OXNAD1: variants seen among roughly 807,000 people sequenced by gnomAD.
OXNAD1 encodes the protein oxidoreductase NAD binding domain containing 1, also known as oxidoreductase NAD-binding domain-containing protein 1.
A neutral mutation model predicts 32.9 loss-of-function variants in OXNAD1; 34 were observed. The observed-to-expected ratio is 1.03, with a 90% CI of 0.79 to 1.38. The LOEUF (loss-of-function observed/expected upper bound fraction) is 1.38, where lower values mean the gene tolerates loss of function less well. Among genes scored for constraint, OXNAD1 ranks in the 40% most tolerant of loss-of-function variants. The pLI is 0.00. For synonymous variants in OXNAD1, 134 were observed against 135.2 expected, an observed-to-expected ratio of 0.99 and a Z score of 0.06; for missense variants, 407 against 379.4, an observed-to-expected ratio of 1.07 and a Z score of -0.60.
chr3:16,311,449 T>G (rs1475734859), intron 9 of OXNAD1, among the ~76,000 whole-genome samples: 2 of 152,184 alleles, frequency 1.3e-5, no homozygotes, highest in Non-Finnish European at 2.9e-5. Flanking sequence ...TTAAGAAAGG[T>G]ATAAAGACTT....
At chr3:16,308,842 C>CTATT (rs1303302804), downstream of OXNAD1, among the ~76,000 whole-genome samples, 5 of 152,146 alleles carry the variant, frequency 3.3e-5, no homozygotes, top group East Asian at 7.7e-4. This position sits in a 1 kb window ranked among gnomAD's most constrained non-coding sequence, Gnocchi z 4.4. Flanking sequence ...TCCCCATGTC[C>CTATT]TATTTTGCTA....
At chr3:16,325,547 G>A (rs1388485444) in intron 9 of OXNAD1, among the ~76,000 whole-genome samples, 3 of 152,216 alleles carry the variant, frequency 2.0e-5, no homozygotes, top group Admixed American at 6.5e-5. Flanking sequence ...ACATGACACA[G>A]TGGGTAAGTG....
rs147412997 is a variant in OXNAD1 at position 16,320,671 on chromosome 3, G to A, written c.*31-16441G>A. On this transcript the variant is annotated intron_variant, in intron 9 of 9. Transcript: ENST00000435829. The surrounding 1 kb of genome is among the most constrained non-coding windows in gnomAD (Gnocchi z 4.5). The stretch of plus-strand genomic sequence containing the variant: ...GTATAAAAGGAGACAGCACTGTTCT[G>A]AGAAAAGGATGCTCGAGTAGAGCTA... 6.2e-4 allele frequency among the ~76,000 whole-genome samples: 95 copies of A among 152,350 alleles called. 1 individual carries two copies. The highest frequency in any genetic ancestry group is 2.3e-3 in the African/African-American group (94 of 41,590).
chr3:16,340,456 G>C (rs564555186), downstream of OXNAD1, among the ~76,000 whole-genome samples: 1 of 152,222 alleles, frequency 6.6e-6, no homozygotes, highest in Non-Finnish European at 1.5e-5. Flanking sequence ...ACATATGAGA[G>C]AGCCCAGCAG....
intron 4 of OXNAD1, among the ~76,000 whole-genome samples, chr3:16,279,555 G>T (rs1293612621): frequency 1.3e-5 from 2 of 151,902 alleles, no homozygotes; most frequent in Non-Finnish European, 2.9e-5. Flanking sequence ...TAAGGGAAGA[G>T]GACTCAGGAC....
At position 16,288,234 on chromosome 3, in the gene OXNAD1, C is replaced by A. The variant is rs1318739453; in HGVS notation, c.290+1786C>A. On this transcript the variant is annotated intron_variant, in intron 5 of 8. Transcript: ENST00000285083. This position sits in a 1 kb window ranked among gnomAD's most constrained non-coding sequence, Gnocchi z 5.1. ...GCTTGGTAGTAACAGCCATGTGGTACTTTGGAGAAGAGGGCAAGGATTAGG... is the reference window on the plus strand; with the variant it reads ...GCTTGGTAGTAACAGCCATGTGGTAATTTGGAGAAGAGGGCAAGGATTAGG... Among the ~76,000 whole-genome samples, 2 of 152,120 alleles carry A rather than the reference C, an allele frequency of 1.3e-5. No individual in the cohort carries two copies. Among genetic ancestry groups the A allele is most frequent in the African/African-American group, 4.8e-5 (2 of 41,414 alleles).
chr3:16,324,585 C>T (rs1359664517), intron 9 of OXNAD1, among the ~76,000 whole-genome samples: 1 of 144,060 alleles, frequency 6.9e-6, no homozygotes, highest in Non-Finnish European at 1.5e-5. Context: ...CCAGGCTCAT[C>T]CTTGTAATAA....
intron 9 of OXNAD1, among the ~76,000 whole-genome samples, chr3:16,311,854 T>C (rs1189537461): frequency 1.3e-5 from 2 of 152,186 alleles, no homozygotes; most frequent in Non-Finnish European, 2.9e-5. Context: ...AGGACCAGAA[T>C]CCTTACCATG....
Position 16,286,367 on chromosome 3 carries a change from G to A in OXNAD1, c.209G>A (p.Gly70Glu). The change falls in exon 5 of 9, where the codon GGA (glycine) becomes GAA (glutamate). Residue 70 changes from glycine (G) to glutamate (E), a missense_variant. Transcript: ENST00000285083. ...REIVSAAKVC[G>E]AASESPSVKS... ...ATTGTGTCAGCAGCTAAGGTGTGTGGAGCTGCCAGTGAGTCACCGTCAGTG... is the reference window on the plus strand; with the variant it reads ...ATTGTGTCAGCAGCTAAGGTGTGTGAAGCTGCCAGTGAGTCACCGTCAGTG... 1 of 1,613,788 alleles carries A rather than the reference G, an allele frequency of 6.2e-7. No individual in the cohort carries two copies. Among genetic ancestry groups the A allele is most frequent in the Non-Finnish European group, 8.5e-7 (1 of 1,179,722 alleles).
intron 4 of OXNAD1, among the ~76,000 whole-genome samples, chr3:16,279,478 C>A (rs2065595164): frequency 6.6e-6 from 1 of 151,950 alleles, no homozygotes. Context: ...GGAAATTAAA[C>A]AGGCTGTTGG....
At chr3:16,306,816 T>C (rs11721010), downstream of OXNAD1, among the ~76,000 whole-genome samples, 1,579 of 152,356 alleles carry the variant, frequency 0.01, 6 homozygotes, top group Non-Finnish European at 0.014. Context: ...GTGTGCTTCC[T>C]GTGGCATCAC....
chr3:16,270,614 A>G (rs1230201233), intron 2 of OXNAD1, among the ~76,000 whole-genome samples: 1 of 152,248 alleles, frequency 6.6e-6, no homozygotes, highest in East Asian at 1.9e-4. Context: ...AATTATCAGG[A>G]AGTTATAAAA....
intron 4 of OXNAD1, chr3:16,275,181 T>C: frequency 5.9e-6 from 1 of 168,318 alleles, no homozygotes. Flanking sequence ...TACCTATAGT[T>C]TGTTGTTTGT....
At chr3:16,310,727 C>T (rs781717333), downstream of OXNAD1, among the ~76,000 whole-genome samples, 3 of 152,114 alleles carry the variant, frequency 2.0e-5, no homozygotes, top group Admixed American at 6.6e-5. Context: ...CGGTGACTCA[C>T]GCCTGTAATC....
chr3:16,329,884 T>G lies in OXNAD1; in HGVS notation c.*31-7228T>G, dbSNP rs1400874933. On this transcript the variant is annotated intron_variant, in intron 9 of 9. Coordinates refer to the OXNAD1 transcript ENST00000435829. This position sits in a 1 kb window ranked among gnomAD's most constrained non-coding sequence, Gnocchi z 4.5. The stretch of plus-strand genomic sequence containing the variant: ...TGGAGTCCTTTTATTGGTGGCTGCA[T>G]CTCGGGCCAGGTTTTCTCTGCGGGC... Among the ~76,000 whole-genome samples, 1 of 152,126 alleles carries G rather than the reference T, an allele frequency of 6.6e-6. No individual in the cohort carries two copies. Among genetic ancestry groups the G allele is most frequent in the African/African-American group, 2.4e-5 (1 of 41,416 alleles).
At chr3:16,267,837 G>A (rs183495884) in intron 1 of OXNAD1, among the ~76,000 whole-genome samples, 90 of 152,308 alleles carry the variant, frequency 5.9e-4, no homozygotes, top group Admixed American at 1.3e-3. Flanking sequence ...TGTAGTTGTT[G>A]AATGAACTGA....
downstream of OXNAD1, among the ~76,000 whole-genome samples, chr3:16,337,890 T>C (rs771745149): frequency 6.6e-6 from 1 of 152,212 alleles, no homozygotes; most frequent in Non-Finnish European, 1.5e-5. This position sits in a 1 kb window ranked among gnomAD's most constrained non-coding sequence, Gnocchi z 5.0. Flanking sequence ...CCGGACACTT[T>C]GGCCTTGCAT....
chr3:16,341,176 GAAC>G (rs554331804), downstream of OXNAD1, among the ~76,000 whole-genome samples: 14 of 152,322 alleles, frequency 9.2e-5, no homozygotes, highest in South Asian at 2.7e-3. This position sits in a 1 kb window ranked among gnomAD's most constrained non-coding sequence, Gnocchi z 4.7. Flanking sequence ...TGAGGATGTG[GAAC>G]AACAGCAACT....
Position 16,335,308 on chromosome 3 carries a change from G to A in OXNAD1, c.*31-1804G>A, listed in dbSNP as rs1343406349. Among the ~76,000 whole-genome samples the A allele has an allele frequency of 6.6e-6, 1 of 152,202 alleles. No individual in the cohort carries two copies. The highest frequency in any genetic ancestry group is 1.5e-5 in the Non-Finnish European group (1 of 68,042). On this transcript the variant is annotated intron_variant, in intron 9 of 9. Coordinates refer to the OXNAD1 transcript ENST00000435829. This position sits in a 1 kb window ranked among gnomAD's most constrained non-coding sequence, Gnocchi z 4.7. ...GGATTTCCTTGTGAGGGGGTGAGCA[G>A]AAGATGAACGAAAATGGGCTGAGTG...
Sources: gnomAD v4.1 joint callset for allele counts (sites outside exome capture counted in the v4.1 genomes callset) on GRCh38, gnomAD v4.1.1 for gene constraint, Gnocchi (gnomAD v3.1) non-coding constraint, MANE v1.5 for transcripts, NCBI Gene and HGNC (gene_info 2026-07-23, HGNC 2026-07-21) for gene names.